CDH17: variants seen among roughly 807,000 people sequenced by gnomAD.
The protein encoded by CDH17 is cadherin 17, also known as cadherin-17.
CDH17 carries 67 observed loss-of-function variants against 86.3 expected under a neutral mutation model. The observed-to-expected ratio is 0.78, with a 90% CI of 0.64 to 0.95. The LOEUF (loss-of-function observed/expected upper bound fraction) is 0.95, where lower values mean the gene tolerates loss of function less well. Among genes scored for constraint, CDH17 ranks in the 40% least tolerant of loss-of-function variants. The pLI is 0.00. For synonymous variants in CDH17, 367 were observed against 366.4 expected, an observed-to-expected ratio of 1.00 and a Z score of -0.02; for missense variants, 993 against 1,017.6, an observed-to-expected ratio of 0.98 and a Z score of 0.33.
At chr8:94,159,015 C>G (rs573552100) in intron 12 of CDH17, among the ~76,000 whole-genome samples, 43 of 152,296 alleles carry the variant, frequency 2.8e-4, no homozygotes, top group African/African-American at 9.9e-4. Flanking sequence ...CTTGCAGATT[C>G]TCTCTGGCCC....
chr8:94,161,136 C>G (rs1013765554), intron 11 of CDH17, among the ~76,000 whole-genome samples: 1 of 152,166 alleles, frequency 6.6e-6, no homozygotes, highest in African/African-American at 2.4e-5. Context: ...GATTCTTACC[C>G]TCAATCTAAA....
chr8:94,191,657 T>A (rs1455818020), intron 2 of CDH17, among the ~76,000 whole-genome samples: 2 of 152,070 alleles, frequency 1.3e-5, no homozygotes, highest in African/African-American at 4.8e-5. Context: ...TTTCACCATG[T>A]TGGACAGGCT....
chr8:94,141,393 C>T (rs1215920399), intron 15 of CDH17, among the ~76,000 whole-genome samples: 1 of 151,982 alleles, frequency 6.6e-6, no homozygotes, highest in Non-Finnish European at 1.5e-5. Context: ...TGCTTTCTTC[C>T]TAAGATCATG....
chr8:94,206,584 G>A (rs1342763929), intron 1 of CDH17, among the ~76,000 whole-genome samples: 2 of 151,140 alleles, frequency 1.3e-5, no homozygotes, highest in South Asian at 2.1e-4. Context: ...CATTTTTTTT[G>A]ACAATGGAAC....
chr8:94,216,782 ATCTC>A, intron 1 of CDH17, among the ~76,000 whole-genome samples: 1 of 152,308 alleles, frequency 6.6e-6, no homozygotes, highest in East Asian at 1.9e-4. Flanking sequence ...CCTCTTCTTT[ATCTC>A]TAAAGAGAGG....
intron 3 of CDH17, among the ~76,000 whole-genome samples, chr8:94,184,741 A>G (rs1369019146): frequency 1.3e-5 from 2 of 152,226 alleles, no homozygotes; most frequent in African/African-American, 4.8e-5. Flanking sequence ...AAAATGAGAA[A>G]AAAAAAGACC....
intron 11 of CDH17, 144 bp downstream of exon 11, chr8:94,161,942 G>C (rs1402488967): frequency 3.8e-5 from 20 of 526,406 alleles, no homozygotes; most frequent in Non-Finnish European, 6.9e-5. Flanking sequence ...CACTGAAGAT[G>C]GCATCTGGGT....
intron 15 of CDH17, among the ~76,000 whole-genome samples, chr8:94,134,090 C>T (rs1812473564): frequency 6.6e-6 from 1 of 152,230 alleles, no homozygotes; most frequent in Non-Finnish European, 1.5e-5. Context: ...CATCGATGTT[C>T]ATCAAGGATA....
intron 15 of CDH17, among the ~76,000 whole-genome samples, chr8:94,133,338 G>T (rs1053000447): frequency 6.6e-6 from 1 of 152,058 alleles, no homozygotes; most frequent in Non-Finnish European, 1.5e-5. Flanking sequence ...CCGTTACTTC[G>T]TTGAGCAGTG....
At chr8:94,135,752 T>C (rs1812510822) in intron 15 of CDH17, among the ~76,000 whole-genome samples, 1 of 152,238 alleles carries the variant, frequency 6.6e-6, no homozygotes, top group Admixed American at 6.5e-5. Context: ...CTAGCATCGA[T>C]GGTCTTTACA....
Position 94,146,054 on chromosome 8 carries a change from T to A in CDH17, c.2041A>T (p.Ser681Cys), listed in dbSNP as rs768539599. ...YTGLFFCHPL[S>C]APGSLIFEAT... ...TCGAAAATGAGACTTCCAGGTGCAC[T>A]GAGGGGATGGCAGAAGAACAAGCCC... The change falls in exon 15 of 18, where the codon AGT (serine) becomes TGT (cysteine). Residue 681 changes from serine (S) to cysteine (C), a missense_variant. By Grantham distance (112) the Ser-to-Cys change is moderately radical (BLOSUM62 -1). Transcript: ENST00000027335. 2.5e-6 allele frequency: 4 copies of A among 1,613,824 alleles called. No homozygotes were observed. The East Asian group carries it at 6.7e-5, about 27-fold the overall frequency.
At chr8:94,212,662 A>G (rs866248126), upstream of CDH17, among the ~76,000 whole-genome samples, 33 of 152,222 alleles carry the variant, frequency 2.2e-4, no homozygotes, top group African/African-American at 8.0e-4. Flanking sequence ...CGATATTCTG[A>G]AAAATATTTA....
In CDH17 at chr8:94,130,659, C is replaced by A. The variant is rs757040010; in HGVS notation, c.2365G>T (p.Val789Phe). 2 of 1,613,646 alleles carry A rather than the reference C, an allele frequency of 1.2e-6. No individual in the cohort carries two copies. The highest frequency in any genetic ancestry group is 1.7e-6 in the Non-Finnish European group (2 of 1,179,702). ...QTGIPTVGMA[V>F]GILLTTLLVI... The stretch of plus-strand genomic sequence containing the variant: ...AGAAGGGTGGTCAGCAGTATACCAA[C>A]TGCCATGCCCACAGTGGGTATCCCA... Residue 789 changes from valine to phenylalanine, a missense_variant, in exon 17 of 18, where the codon GTT becomes TTT. Transcript: ENST00000027335.
chr8:94,156,196 A>G (rs1812945956), intron 12 of CDH17, among the ~76,000 whole-genome samples: 1 of 152,220 alleles, frequency 6.6e-6, no homozygotes, highest in African/African-American at 2.4e-5. Context: ...ATTTAGATTC[A>G]ACCTGGAGGC....
At chr8:94,154,520 A>G (rs548371922) in intron 12 of CDH17, among the ~76,000 whole-genome samples, 2 of 152,322 alleles carry the variant, frequency 1.3e-5, no homozygotes, top group Admixed American at 1.3e-4. Flanking sequence ...CAGAGATGAC[A>G]GATGATCTGC....
At chr8:94,165,647 A>G (rs1414784281) in intron 10 of CDH17, 114 bp downstream of exon 10, 2 of 757,350 alleles carry the variant, frequency 2.6e-6, no homozygotes, top group African/African-American at 1.7e-5. Flanking sequence ...AAAGGAAGCA[A>G]AGAATGTTTA....
chr8:94,210,226 TA>T (rs71567010), upstream of CDH17, among the ~76,000 whole-genome samples: 8,068 of 52,796 alleles, frequency 0.15, 302 homozygotes, highest in Middle Eastern at 0.29. Context: ...TTTATGCGAG[TA>T]AAAAAAAAAA....
chr8:94,141,571 C>T (rs886675838), intron 15 of CDH17, among the ~76,000 whole-genome samples: 1 of 152,080 alleles, frequency 6.6e-6, no homozygotes, highest in Non-Finnish European at 1.5e-5. Flanking sequence ...GTCAGCAAGC[C>T]TCTAGAATAC....
rs756960387 is a variant in CDH17 at position 94,165,329 on chromosome 8, G to A, written c.1282+432C>T. On this transcript the variant is annotated intron_variant, in intron 10 of 17. Transcript: ENST00000027335. ...TCTGACAGCCCCCTTTAGACTCCCC[G>A]ACAGCTGTGCCAAGCTTTCCTCAGA... Among the ~76,000 whole-genome samples, 13 of 152,062 alleles carry A rather than the reference G, an allele frequency of 8.5e-5. No homozygotes were observed. The East Asian group carries it at 9.6e-4, about 11-fold the overall frequency.
Sources: allele counts gnomAD v4.1 joint callset (sites outside exome capture counted in the v4.1 genomes callset), GRCh38; gene constraint gnomAD v4.1.1; transcripts MANE v1.5; gene names NCBI Gene and HGNC (gene_info 2026-07-23, HGNC 2026-07-21).